The following ARHGAP15 variants were observed in gnomAD, a reference collection of about 807,000 sequenced individuals.
ARHGAP15 encodes rho GTPase-activating protein 15.
Under a neutral mutation model 63.7 loss-of-function variants are expected in ARHGAP15, and 51 were observed. The observed-to-expected ratio is 0.80, with a 90% confidence interval of 0.64 to 1.01. The LOEUF (loss-of-function observed/expected upper bound fraction) is 1.01, where lower values mean the gene tolerates loss of function less well. ARHGAP15 is among the 50% of genes least tolerant of loss of function. The pLI is 0.00. For synonymous variants in ARHGAP15, 191 were observed against 193.8 expected, an observed-to-expected ratio of 0.99 and a Z score of 0.12; for missense variants, 560 against 564.6, an observed-to-expected ratio of 0.99 and a Z score of 0.08.
In ARHGAP15 at chr2:143,587,190, T is replaced by C. The variant is rs1574668296; in HGVS notation, c.1003+30705T>C. ...CTAATCAGATTGTCAGATATTACTCTTGAAACTGTAACCCTTTAAAGGAAA... is the reference window on the plus strand; with the variant it reads ...CTAATCAGATTGTCAGATATTACTCCTGAAACTGTAACCCTTTAAAGGAAA... On this transcript the variant is annotated intron_variant, in intron 11 of 13. Transcript: ENST00000295095. Among the ~76,000 whole-genome samples, 3 of 152,178 alleles carry C rather than the reference T, an allele frequency of 2.0e-5. No homozygotes were observed. The South Asian group carries it at 6.2e-4, about 31-fold the overall frequency.
At chr2:143,504,348 T>C (rs940333380) in intron 9 of ARHGAP15, among the ~76,000 whole-genome samples, 1 of 152,234 alleles carries the variant, frequency 6.6e-6, no homozygotes, top group African/African-American at 2.4e-5. Flanking sequence ...GATGTATAAG[T>C]TGTGATTCCA....
chr2:143,187,967 A>G (rs1691513155), intron 2 of ARHGAP15, among the ~76,000 whole-genome samples: 1 of 152,204 alleles, frequency 6.6e-6, no homozygotes, highest in Non-Finnish European at 1.5e-5. Context: ...TTTTGATTCA[A>G]CATAGCATTT....
rs77602500 is a variant in ARHGAP15, at chr2:143,344,873, G to T, written c.475-90728G>T. 5.9e-4 allele frequency among the ~76,000 whole-genome samples: 90 copies of T among 152,180 alleles called. No homozygotes were observed. The East Asian group carries it at 0.016, about 28-fold the overall frequency. ...CAAGGAATATCACATAGTCAAAAGG[G>T]CTTTGCTGAAAATATAACTAATGAG... On this transcript the variant is annotated intron_variant, in intron 6 of 13. Transcript: ENST00000295095.
intron 3 of ARHGAP15, among the ~76,000 whole-genome samples, chr2:143,213,493 A>G (rs537783391): frequency 6.6e-6 from 1 of 152,316 alleles, no homozygotes; most frequent in Non-Finnish European, 1.5e-5. Context: ...AGCCCACGCA[A>G]CAAAAGCAAA....
In ARHGAP15 at chr2:143,410,625, C is replaced by A. The variant is rs543802160; in HGVS notation, c.475-24976C>A. 2.6e-5 allele frequency among the ~76,000 whole-genome samples: 4 copies of A among 152,186 alleles called. No individual in the cohort carries two copies. In the South Asian group the frequency reaches 6.2e-4, roughly 24 times the overall value. On this transcript the variant is annotated intron_variant, in intron 6 of 13. Transcript: ENST00000295095. Reference sequence around the variant, plus strand: ...AGTTAACATACAGAAAAGGACTCTGCTCCCATGGAGTTTATATCCTAATTT... The same window carrying A: ...AGTTAACATACAGAAAAGGACTCTGATCCCATGGAGTTTATATCCTAATTT...
chr2:143,165,617 A>G (rs933972997), intron 2 of ARHGAP15, among the ~76,000 whole-genome samples: 2 of 152,108 alleles, frequency 1.3e-5, no homozygotes, highest in Non-Finnish European at 2.9e-5. Flanking sequence ...AAAAAAATGT[A>G]TTCAAGGGAT....
chr2:143,301,833 A>T (rs1400727651), intron 6 of ARHGAP15, among the ~76,000 whole-genome samples: 1 of 151,532 alleles, frequency 6.6e-6, no homozygotes, highest in Non-Finnish European at 1.5e-5. Context: ...ATATATGGAG[A>T]CAACATATAT....
At chr2:143,728,382 C>A (rs1244339687) in intron 13 of ARHGAP15, among the ~76,000 whole-genome samples, 1 of 152,108 alleles carries the variant, frequency 6.6e-6, no homozygotes, top group Non-Finnish European at 1.5e-5. Flanking sequence ...AATGCAGTCA[C>A]ATTCTGAGCT....
intron 3 of ARHGAP15, among the ~76,000 whole-genome samples, chr2:143,209,642 T>C (rs1692490797): frequency 6.6e-6 from 1 of 152,004 alleles, no homozygotes; most frequent in Admixed American, 6.6e-5. Flanking sequence ...TAACTTGAGA[T>C]TTTGCAAGAT....
At chr2:143,142,618 ATG>A (rs1689416582) in intron 1 of ARHGAP15, among the ~76,000 whole-genome samples, 2 of 152,124 alleles carry the variant, frequency 1.3e-5, no homozygotes, top group Non-Finnish European at 2.9e-5. Flanking sequence ...ATGGATCAGA[ATG>A]TGTGGAAGTA....
At chr2:143,239,879 T>A (rs905210655) in intron 5 of ARHGAP15, among the ~76,000 whole-genome samples, 10 of 149,472 alleles carry the variant, frequency 6.7e-5, no homozygotes, top group South Asian at 2.1e-4. Flanking sequence ...CAACCTGAGC[T>A]ACTTAGGAGG....
chr2:143,682,504 ATG>A (rs1473904091), intron 12 of ARHGAP15, among the ~76,000 whole-genome samples: 1 of 152,178 alleles, frequency 6.6e-6, no homozygotes, highest in Non-Finnish European at 1.5e-5. Context: ...ACACATATGT[ATG>A]TGTGTGCATG....
intron 12 of ARHGAP15, chr2:143,640,694 CTG>C (rs1382716971): frequency 1.3e-5 from 2 of 152,204 alleles, no homozygotes; most frequent in African/African-American, 2.4e-5. Context: ...AACAGTAAAA[CTG>C]TACTATAAAA....
intron 6 of ARHGAP15, among the ~76,000 whole-genome samples, chr2:143,286,216 T>G (rs909674203): frequency 6.6e-6 from 1 of 152,212 alleles, no homozygotes; most frequent in Admixed American, 6.5e-5. Flanking sequence ...AAGAGTCTCC[T>G]GGAGGTGAAT....
rs6706817 is a variant in ARHGAP15 at position 143,442,933 on chromosome 2, C to A, written c.703+5891C>A. ...TTCTGAATATAAGTTACATTAAGACCTCTTTACATGAAACATTGATAACTC... is the reference window on the plus strand; with the variant it reads ...TTCTGAATATAAGTTACATTAAGACATCTTTACATGAAACATTGATAACTC... On this transcript the variant is annotated intron_variant, in intron 8 of 13. Transcript: ENST00000295095. Among the ~76,000 whole-genome samples the A allele has an allele frequency of 2.6e-5, 4 of 152,232 alleles. No individual in the cohort carries two copies. In the South Asian group the frequency reaches 6.2e-4, roughly 24 times the overall value.
At chr2:143,321,896 T>A (rs1684040487) in intron 6 of ARHGAP15, among the ~76,000 whole-genome samples, 1 of 152,190 alleles carries the variant, frequency 6.6e-6, no homozygotes. Context: ...CATGCTGGTC[T>A]TGAAGCCTTG....
chr2:143,599,546 GA>G (rs922652810), intron 11 of ARHGAP15, among the ~76,000 whole-genome samples: 1 of 150,714 alleles, frequency 6.6e-6, no homozygotes, highest in Admixed American at 6.6e-5. Flanking sequence ...CATCTACACA[GA>G]AAAAAAAATT....
At chr2:143,689,821 TC>T (rs1683513324) in intron 12 of ARHGAP15, among the ~76,000 whole-genome samples, 1 of 152,188 alleles carries the variant, frequency 6.6e-6, no homozygotes, top group Admixed American at 6.6e-5. Flanking sequence ...ACTACACAAT[TC>T]CTATGGGGAT....
chr2:143,609,708 C>T (rs1698180343), intron 11 of ARHGAP15, among the ~76,000 whole-genome samples: 1 of 152,128 alleles, frequency 6.6e-6, no homozygotes, highest in Non-Finnish European at 1.5e-5. Flanking sequence ...ACCCATTCTC[C>T]ACTCTTCACT....
Sources: allele counts gnomAD v4.1 joint callset (sites outside exome capture counted in the v4.1 genomes callset), GRCh38; gene constraint gnomAD v4.1.1; transcripts MANE v1.5; gene names NCBI Gene and HGNC (gene_info 2026-07-23, HGNC 2026-07-21).